UBE2E2: variants seen among roughly 807,000 people sequenced by gnomAD.
UBE2E2 encodes ubiquitin conjugating enzyme E2 E2.
In UBE2E2, 6 loss-of-function variants were observed where a neutral mutation model predicts 24.7. The observed-to-expected ratio is 0.24, with a 90% CI of 0.13 to 0.48. The LOEUF is 0.48. UBE2E2 is among the 20% of genes least tolerant of loss of function. UBE2E2 has a pLI of 0.99. For synonymous variants in UBE2E2, 104 were observed against 83.6 expected, an observed-to-expected ratio of 1.24 and a Z score of -1.33; for missense variants, 169 against 245.0, an observed-to-expected ratio of 0.69 and a Z score of 2.07.
At chr3:23,565,002 G>T (rs1223109256) in intron 5 of UBE2E2, among the ~76,000 whole-genome samples, 1 of 152,158 alleles carries the variant, frequency 6.6e-6, no homozygotes, top group African/African-American at 2.4e-5. Context: ...TACAGTGGGA[G>T]AGTGGGTGGC....
rs532413275 is a variant in UBE2E2 at position 23,583,221 on chromosome 3, C to T, written c.509-6513C>T. Among the ~76,000 whole-genome samples the T allele has an allele frequency of 6.6e-6, 1 of 152,162 alleles. No homozygotes were observed. The highest frequency in any genetic ancestry group is 1.9e-4 in the East Asian group (1 of 5,168). ...CATTGCTTATTTTTGTCAGCTTTGT[C>T]AAAGATCAGATGGTCGTAAATATGT... On this transcript the variant is annotated intron_variant, in intron 5 of 5. Coordinates refer to ENST00000396703, the MANE Select transcript of UBE2E2 (RefSeq NM_152653.4). The surrounding 1 kb of genome is among the most constrained non-coding windows in gnomAD (Gnocchi z 4.1).
intron 3 of UBE2E2, among the ~76,000 whole-genome samples, chr3:23,445,600 C>G (rs954337112): frequency 2.6e-5 from 4 of 152,196 alleles, no homozygotes; most frequent in Admixed American, 2.6e-4. Flanking sequence ...TCATATTTGG[C>G]TAGATCGGAA....
intron 3 of UBE2E2, among the ~76,000 whole-genome samples, chr3:23,350,450 G>A (rs926995478): frequency 1.6e-4 from 25 of 152,212 alleles, no homozygotes; most frequent in African/African-American, 6.0e-4. Context: ...GCTACAGGAG[G>A]AAATTCAAAC....
chr3:23,364,388 TAG>T (rs752723164), intron 3 of UBE2E2, among the ~76,000 whole-genome samples: 1 of 151,554 alleles, frequency 6.6e-6, no homozygotes, highest in Non-Finnish European at 1.5e-5. Context: ...GCGAGACTAA[TAG>T]AGAGAGAGAC....
At chr3:23,308,069 C>G (rs1194658623) in intron 3 of UBE2E2, among the ~76,000 whole-genome samples, 1 of 152,180 alleles carries the variant, frequency 6.6e-6, no homozygotes, top group Non-Finnish European at 1.5e-5. Flanking sequence ...TAATAAGTGG[C>G]TTTGGCTTGA....
chr3:23,536,438 A>G (rs937518203), intron 5 of UBE2E2, among the ~76,000 whole-genome samples: 4 of 151,964 alleles, frequency 2.6e-5, no homozygotes, highest in African/African-American at 9.7e-5. Context: ...TCTCATTTCT[A>G]TTTGTCTGCT....
At chr3:23,447,741 A>T (rs777907949) in intron 3 of UBE2E2, among the ~76,000 whole-genome samples, 2 of 152,194 alleles carry the variant, frequency 1.3e-5, no homozygotes, top group Non-Finnish European at 2.9e-5. Flanking sequence ...CCCTTTCAAG[A>T]AGAGTAATAT....
At chr3:23,469,214 C>G (rs1698983401) in intron 3 of UBE2E2, among the ~76,000 whole-genome samples, 1 of 152,150 alleles carries the variant, frequency 6.6e-6, no homozygotes, top group South Asian at 2.1e-4. Context: ...AGAAAGCTCT[C>G]CAAGTTTCCT....
intron 2 of UBE2E2, among the ~76,000 whole-genome samples, chr3:23,215,609 T>C (rs1696455516): frequency 6.6e-6 from 1 of 152,186 alleles, no homozygotes; most frequent in South Asian, 2.1e-4. Flanking sequence ...GTATACACTC[T>C]GCAGCCCCCT....
At chr3:23,332,612 G>A (rs1373610411) in intron 3 of UBE2E2, among the ~76,000 whole-genome samples, 1 of 151,724 alleles carries the variant, frequency 6.6e-6, no homozygotes. Context: ...CAGAAAACTG[G>A]GCTAAGGAAA....
At chr3:23,322,454 A>G (rs953484856) in intron 3 of UBE2E2, among the ~76,000 whole-genome samples, 1 of 152,194 alleles carries the variant, frequency 6.6e-6, no homozygotes, top group Non-Finnish European at 1.5e-5. Flanking sequence ...TTTGGACAGA[A>G]TCCCCATGTG....
chr3:23,471,517 T>C (rs1163087323), intron 3 of UBE2E2, among the ~76,000 whole-genome samples: 1 of 152,210 alleles, frequency 6.6e-6, no homozygotes, highest in African/African-American at 2.4e-5. Context: ...CAGCAAATAC[T>C]CATTGGAAAG....
intron 3 of UBE2E2, among the ~76,000 whole-genome samples, chr3:23,349,371 G>A (rs1400117211): frequency 6.6e-6 from 1 of 152,224 alleles, no homozygotes; most frequent in Non-Finnish European, 1.5e-5. Flanking sequence ...GGGAGTGCCA[G>A]ACAGTGGGCA....
chr3:23,332,684 T>G lies in UBE2E2; in HGVS notation c.227+115372T>G, dbSNP rs1229452885. ...CCTGGCAGCCAGTGGGGTGTGTGTG[T>G]GTGTGTGTGTGTGTGTGTGTGTGTG... On this transcript the variant is annotated intron_variant, in intron 3 of 5. Transcript: ENST00000396703. Among the ~76,000 whole-genome samples the G allele has an allele frequency of 3.6e-3, 266 of 74,524 alleles. 1 individual carries two copies. Among genetic ancestry groups the G allele is most frequent in the African/African-American group, 7.9e-3 (246 of 31,044 alleles). 48.9% of individuals were successfully genotyped at this position (74,524 alleles called of 152,430 possible). A position where few individuals can be genotyped will look rare whatever the true frequency, so the allele number is the denominator to read the frequency against.
chr3:23,302,844 A>C (rs961009075), intron 3 of UBE2E2, among the ~76,000 whole-genome samples: 1 of 152,210 alleles, frequency 6.6e-6, no homozygotes, highest in African/African-American at 2.4e-5. Flanking sequence ...TTTGTGGGCT[A>C]TAGACTGCTG....
chr3:23,289,972 T>C (rs933727495), intron 3 of UBE2E2, among the ~76,000 whole-genome samples: 1 of 151,164 alleles, frequency 6.6e-6, no homozygotes, highest in Non-Finnish European at 1.5e-5. Flanking sequence ...GGAGCATATA[T>C]GCATGCAAAA....
chr3:23,407,717 T>C lies in UBE2E2; in HGVS notation c.228-91891T>C, dbSNP rs980248001. Among the ~76,000 whole-genome samples the C allele has an allele frequency of 1.7e-4, 26 of 151,568 alleles. No individual in the cohort carries two copies. Among genetic ancestry groups the C allele is most frequent in the Non-Finnish European group, 2.9e-4 (20 of 67,914 alleles). ...GTATTTCAGAGAAAATCCCAGGCTT[T>C]ATGCCGTTTTACTCCTAAACCTCTG... is the stretch of plus-strand genomic sequence containing the variant. On this transcript the variant is annotated intron_variant, in intron 3 of 5. Transcript: ENST00000396703. This position sits in a 1 kb window ranked among gnomAD's most constrained non-coding sequence, Gnocchi z 4.0.
chr3:23,283,065 C>A (rs1698524503), intron 3 of UBE2E2, among the ~76,000 whole-genome samples: 1 of 152,154 alleles, frequency 6.6e-6, no homozygotes, highest in African/African-American at 2.4e-5. Context: ...AGTCTTTAAA[C>A]TGTTCAGGAC....
At chr3:23,417,404 C>CT (rs1172806351) in intron 3 of UBE2E2, among the ~76,000 whole-genome samples, 1 of 152,210 alleles carries the variant, frequency 6.6e-6, no homozygotes, top group African/African-American at 2.4e-5. Context: ...AGATTGCTGC[C>CT]TGTTCCTTCC....
Sources: gnomAD v4.1 joint callset for allele counts (sites outside exome capture counted in the v4.1 genomes callset) on GRCh38, gnomAD v4.1.1 for gene constraint, Gnocchi (gnomAD v3.1) non-coding constraint, MANE v1.5 for transcripts, NCBI Gene and HGNC (gene_info 2026-07-23, HGNC 2026-07-21) for gene names.